Variants in DGKD observed in about 807,000 individuals in gnomAD.
DGKD encodes diacylglycerol kinase delta.
A neutral mutation model predicts 154.4 loss-of-function variants in DGKD; 68 were observed. The ratio of observed to expected loss-of-function variants is 0.44; its 90% CI spans 0.36 to 0.54. The LOEUF (loss-of-function observed/expected upper bound fraction) is 0.54, where lower values mean the gene tolerates loss of function less well. Among genes scored for constraint, DGKD ranks in the 20% least tolerant of loss-of-function variants. DGKD has a pLI of 0.00. For missense variants in DGKD, 1,343 were observed against 1,593.6 expected (o/e 0.84, Z 2.68); for synonymous variants, 693 against 638.0 (o/e 1.09, Z -1.30).
chr2:233,367,570 T>C (rs7573866), intron 1 of DGKD, among the ~76,000 whole-genome samples: 18,140 of 152,166 alleles, frequency 0.12, 1,265 homozygotes, highest in African/African-American at 0.18. Flanking sequence ...ATTACTTTTG[T>C]ACCAACCTAA....
intron 1 of DGKD, among the ~76,000 whole-genome samples, chr2:233,382,497 CT>C (rs927047767): frequency 2.6e-5 from 4 of 151,358 alleles, no homozygotes; most frequent in South Asian, 2.1e-4. Flanking sequence ...CTTTCTGCTA[CT>C]TTTTTTTTGT....
rs996431534 is a variant in DGKD, at chr2:233,457,924, A to G, written c.2581-360A>G. On this transcript the variant is annotated intron_variant, in intron 21 of 29. Coordinates refer to ENST00000264057, the MANE Select transcript of DGKD (RefSeq NM_152879.3). The surrounding 1 kb of genome is among the most constrained non-coding windows in gnomAD (Gnocchi z 5.5). ...CCTTCCTTTGTACGTAATAGCGAATAGAAGTATTCAGCGCTTCCTGCACAC... is the reference window on the plus strand; with the variant it reads ...CCTTCCTTTGTACGTAATAGCGAATGGAAGTATTCAGCGCTTCCTGCACAC... 7 of 328,684 alleles carry G rather than the reference A, an allele frequency of 2.1e-5. No individual in the cohort carries two copies. The South Asian group carries it at 2.3e-4, about 11-fold the overall frequency. The allele number at this position is 328,684 out of a possible 1,614,324, so 20.4% of individuals were successfully genotyped here.
Position 233,437,449 on chromosome 2 carries a change from C to T in DGKD, c.892C>T (p.Pro298Ser). 1.2e-6 allele frequency: 2 copies of T among 1,614,224 alleles called. No homozygotes were observed. The highest frequency in any genetic ancestry group is 1.7e-6 in the Non-Finnish European group (2 of 1,180,042). Residue 298 changes from proline (P) to serine (S), a missense_variant, in exon 8 of 30, where the codon CCC becomes TCC. Transcript: ENST00000264057. Reference sequence around the variant, plus strand: ...CCTGTGCAAAGTGTCAGTCATCCCACCCACGGCTCTCAACAGCATCGACTC... The same window carrying T: ...CCTGTGCAAAGTGTCAGTCATCCCATCCACGGCTCTCAACAGCATCGACTC... ...LGLCKVSVIP[P>S]TALNSIDSDG...
At position 233,438,374 on chromosome 2, in the gene DGKD, C is replaced by T; in HGVS notation, c.1080C>T (p.His360=). ...QVFDLMNGGP[H]LGLRLFQKFD... ...TCGACCTCATGAACGGAGGCCCACA[C>T]CTCGGGTAGGAAGCTTGTAAAATAT... The change falls in exon 9 of 30, where the codon CAC becomes CAT. Residue 360 remains histidine (H), a synonymous_variant. Coordinates refer to ENST00000264057, the MANE Select transcript of DGKD (RefSeq NM_152879.3). This position sits in a 1 kb window ranked among gnomAD's most constrained non-coding sequence, Gnocchi z 4.1. The T allele has an allele frequency of 3.1e-6, 5 of 1,610,278 alleles. No individual in the cohort carries two copies. The highest frequency in any genetic ancestry group is 4.2e-6 in the Non-Finnish European group (5 of 1,177,374).
chr2:233,464,207 C>T lies in DGKD; in HGVS notation c.3230C>T (p.Ala1077Val), dbSNP rs779594966. 1 of 1,613,654 alleles carries T rather than the reference C, an allele frequency of 6.2e-7. No homozygotes were observed. Among genetic ancestry groups the T allele is most frequent in the Admixed American group, 1.7e-5 (1 of 60,028 alleles). The change falls in exon 27 of 30, where the codon GCC becomes GTC. Residue 1077 changes from alanine to valine, a missense_variant. This residue lies in a region of DGKD where 429 missense variants were observed against 496.3 expected (regional missense o/e 0.86). Coordinates refer to ENST00000264057, the MANE Select transcript of DGKD (RefSeq NM_152879.3). ...AAGGAGCAGCTGGGGAGTGCTCTTG[C>T]CGAGATGGACCGACAGCTCAGGAGG... ...PQKEQLGSAL[A>V]EMDRQLRRLA...
chr2:233,411,702 G>A (rs1402135148), intron 3 of DGKD, among the ~76,000 whole-genome samples: 1 of 151,958 alleles, frequency 6.6e-6, no homozygotes, highest in Non-Finnish European at 1.5e-5. Flanking sequence ...TTTTTAAATG[G>A]CTCATTCTTC....
chr2:233,374,665 C>T (rs1029838123), intron 1 of DGKD, among the ~76,000 whole-genome samples: 3 of 151,324 alleles, frequency 2.0e-5, no homozygotes. Context: ...TTTTTAGAGG[C>T]ACGGTCTTGT....
At chr2:233,451,853 A>G (rs1227074076) in intron 17 of DGKD, 111 bp from the exon 18 acceptor site, 1 of 880,768 alleles carries the variant, frequency 1.1e-6, no homozygotes, top group Non-Finnish European at 1.7e-6. Context: ...AGAAACATTT[A>G]ATTATAATAA....
intron 27 of DGKD, among the ~76,000 whole-genome samples, chr2:233,465,618 G>T (rs1248007568): frequency 6.6e-6 from 1 of 152,026 alleles, no homozygotes; most frequent in African/African-American, 2.4e-5. Flanking sequence ...AAACTTAAAG[G>T]TAATTTCTAA....
intron 3 of DGKD, among the ~76,000 whole-genome samples, chr2:233,399,887 G>A (rs1443810942): frequency 2.6e-5 from 4 of 152,124 alleles, no homozygotes; most frequent in African/African-American, 4.8e-5. Context: ...CACTGCAGGC[G>A]GGCAGGGTCC....
intron 1 of DGKD, chr2:233,385,813 G>A: frequency 2.6e-6 from 1 of 379,214 alleles, no homozygotes; most frequent in Non-Finnish European, 5.3e-6. Flanking sequence ...CGAATCAGGA[G>A]AAGAAATGCA....
Position 233,457,908 on chromosome 2 carries a change from G to T in DGKD, c.2581-376G>T. On this transcript the variant is annotated intron_variant, in intron 21 of 29. Transcript: ENST00000264057. This position sits in a 1 kb window ranked among gnomAD's most constrained non-coding sequence, Gnocchi z 5.5. ...TTAAACCTGGTTTAAACCTTCCTTT[G>T]TACGTAATAGCGAATAGAAGTATTC... 3.1e-6 allele frequency: 1 copy of T among 318,188 alleles called. No homozygotes were observed. Among genetic ancestry groups the T allele is most frequent in the Non-Finnish European group, 6.1e-6 (1 of 163,372 alleles). The allele number at this position is 318,188 out of a possible 1,614,324, so 19.7% of individuals were successfully genotyped here.
intron 26 of DGKD, among the ~76,000 whole-genome samples, 188 bp downstream of exon 26, chr2:233,462,923 T>G (rs2063696733): frequency 6.6e-6 from 1 of 152,234 alleles, no homozygotes; most frequent in Non-Finnish European, 1.5e-5. Context: ...TCAGTCAGGT[T>G]GTCTCAAGCA....
intron 1 of DGKD, among the ~76,000 whole-genome samples, chr2:233,368,090 A>G (rs888606851): frequency 1.3e-5 from 2 of 152,172 alleles, no homozygotes; most frequent in Admixed American, 1.3e-4. Context: ...AATGGTTTCC[A>G]TATTCATACA....
intron 1 of DGKD, among the ~76,000 whole-genome samples, chr2:233,373,955 T>G (rs1166149705): frequency 6.6e-6 from 1 of 152,086 alleles, no homozygotes; most frequent in African/African-American, 2.4e-5. Flanking sequence ...TATTGTTGTT[T>G]GGAAAAGCAA....
rs200939741 is a variant in DGKD at position 233,435,863 on chromosome 2, A to T, written c.632A>T (p.Asn211Ile). The T allele has an allele frequency of 6.2e-7, 1 of 1,612,658 alleles. No homozygotes were observed. The highest frequency in any genetic ancestry group is 1.3e-5 in the African/African-American group (1 of 74,944). Reference sequence around the variant, plus strand: ...AAGCGCTGTGCTGTGCGTGCAACCAATAACTGCAAGTGGACCACACTGGCC... The same window carrying T: ...AAGCGCTGTGCTGTGCGTGCAACCATTAACTGCAAGTGGACCACACTGGCC... ...AHKRCAVRAT[N>I]NCKWTTLASI... Residue 211 changes from asparagine to isoleucine, a missense_variant, in exon 6 of 30, where the codon AAT becomes ATT. Transcript: ENST00000264057.
chr2:233,388,559 A>C (rs1703349501), intron 2 of DGKD, 192 bp downstream of exon 2: 2 of 495,728 alleles, frequency 4.0e-6, no homozygotes, highest in Non-Finnish European at 6.9e-6. Flanking sequence ...ATCAAAATTA[A>C]TTTCTGTTCA....
chr2:233,366,608 C>T (rs892133755), intron 1 of DGKD, among the ~76,000 whole-genome samples: 6 of 152,200 alleles, frequency 3.9e-5, no homozygotes, highest in African/African-American at 7.2e-5. Flanking sequence ...CAATGAACGA[C>T]ATAGATTCAG....
chr2:233,373,454 A>G (rs1456180563), intron 1 of DGKD, among the ~76,000 whole-genome samples: 3 of 152,224 alleles, frequency 2.0e-5, no homozygotes, highest in Admixed American at 6.5e-5. Flanking sequence ...CTTCCCGTCA[A>G]TGGAAGACTC....
Sources: allele counts gnomAD v4.1 joint callset (sites outside exome capture counted in the v4.1 genomes callset), GRCh38; gene constraint gnomAD v4.1.1; regional missense constraint gnomAD v4.1.1; non-coding constraint Gnocchi (gnomAD v3.1); transcripts MANE v1.5; gene names NCBI Gene and HGNC (gene_info 2026-07-23, HGNC 2026-07-21).